The following SH3RF2 variants were observed in gnomAD, a reference collection of about 807,000 sequenced individuals.
The protein encoded by SH3RF2 is E3 ubiquitin-protein ligase SH3RF2.
SH3RF2 carries 43 observed loss-of-function variants against 59.0 expected under a neutral mutation model. The observed-to-expected ratio is 0.73, with a 90% confidence interval of 0.57 to 0.94. The LOEUF (loss-of-function observed/expected upper bound fraction) is 0.94. Ranked by LOEUF, SH3RF2 falls within the 40% of genes least tolerant of loss-of-function variation. The pLI is 0.00. For synonymous variants in SH3RF2, 391 were observed against 391.5 expected (o/e 1.00, Z 0.01); for missense variants, 930 against 940.1 (o/e 0.99, Z 0.14).
intron 2 of SH3RF2, among the ~76,000 whole-genome samples, chr5:145,960,723 GA>G (rs1300049387): frequency 5.9e-5 from 9 of 152,096 alleles, no homozygotes; most frequent in Non-Finnish European, 2.9e-5. Context: ...TAATATTTCT[GA>G]AAAATGGAAA....
At chr5:146,052,591 G>A (rs1220397368) in intron 7 of SH3RF2, among the ~76,000 whole-genome samples, 1 of 152,128 alleles carries the variant, frequency 6.6e-6, no homozygotes, top group African/African-American at 2.4e-5. Context: ...ACGCTCCTGA[G>A]GGTTCTTAGG....
intron 7 of SH3RF2, among the ~76,000 whole-genome samples, chr5:146,052,449 T>C (rs1324819516): frequency 6.6e-6 from 1 of 152,184 alleles, no homozygotes; most frequent in Non-Finnish European, 1.5e-5. Context: ...AGATTGCCAT[T>C]GAGTTCTCCC....
downstream of SH3RF2, among the ~76,000 whole-genome samples, chr5:146,067,537 G>A (rs185514631): frequency 1.2e-4 from 18 of 152,302 alleles, no homozygotes; most frequent in East Asian, 3.5e-3. Context: ...CCTGGCCTGG[G>A]CCCTAGAGAG....
intron 5 of SH3RF2, among the ~76,000 whole-genome samples, chr5:146,028,649 G>A (rs375505958): frequency 2.0e-5 from 3 of 152,192 alleles, no homozygotes; most frequent in Admixed American, 6.5e-5. Context: ...CAAATGTTCC[G>A]CAGGGTCAAA....
Position 146,062,870 on chromosome 5 carries a change from G to A in SH3RF2, c.*169G>A. 5.8e-6 allele frequency: 5 copies of A among 857,836 alleles called. No homozygotes were observed. In the East Asian group the frequency reaches 1.3e-4, roughly 23 times the overall value. The allele number at this position is 857,836 out of a possible 1,614,324, so 53.1% of individuals were successfully genotyped here. On this transcript the variant is annotated 3_prime_UTR_variant, in exon 10 of 10. Coordinates refer to ENST00000359120, the MANE Select transcript of SH3RF2 (RefSeq NM_152550.4). ...GGGAGCAGAAATTCCTGCCCTGGGT[G>A]GGAGGATAGATGGCGTGGCCTTCCA...
chr5:146,014,742 A>C (rs561228530), intron 5 of SH3RF2, among the ~76,000 whole-genome samples: 1 of 152,324 alleles, frequency 6.6e-6, no homozygotes, highest in African/African-American at 2.4e-5. Context: ...ATGCATGTAA[A>C]GTGACTAGCA....
At chr5:146,046,240 C>T (rs1213547367) in intron 5 of SH3RF2, among the ~76,000 whole-genome samples, 1 of 152,126 alleles carries the variant, frequency 6.6e-6, no homozygotes, top group Non-Finnish European at 1.5e-5. Flanking sequence ...ATCCATAGAC[C>T]ACATGTGTGA....
intron 2 of SH3RF2, among the ~76,000 whole-genome samples, chr5:145,980,587 C>G (rs915622644): frequency 1.9e-4 from 29 of 152,114 alleles, no homozygotes; most frequent in African/African-American, 7.0e-4. Flanking sequence ...TAGCATATGT[C>G]TATGGGAGAA....
At chr5:146,069,201 G>A (rs2150027645) in intron 9 of SH3RF2, among the ~76,000 whole-genome samples, 1 of 152,296 alleles carries the variant, frequency 6.6e-6, no homozygotes, top group Non-Finnish European at 1.5e-5. Flanking sequence ...AGATTCTAAG[G>A]CTTTGATTCA....
At chr5:145,982,891 GA>G (rs1043658121) in intron 2 of SH3RF2, among the ~76,000 whole-genome samples, 11 of 152,146 alleles carry the variant, frequency 7.2e-5, no homozygotes, top group African/African-American at 2.7e-4. Flanking sequence ...GTGGAGTGTA[GA>G]AAGAATATTC....
At chr5:145,993,881 G>A (rs912764557) in intron 2 of SH3RF2, among the ~76,000 whole-genome samples, 1 of 152,228 alleles carries the variant, frequency 6.6e-6, no homozygotes, top group Non-Finnish European at 1.5e-5. Flanking sequence ...TCTGCAGCCT[G>A]CAGCGGGCTT....
At chr5:146,019,639 A>G (rs756791877) in intron 5 of SH3RF2, among the ~76,000 whole-genome samples, 2 of 152,060 alleles carry the variant, frequency 1.3e-5, no homozygotes, top group East Asian at 3.9e-4. Flanking sequence ...TCTGTGAAAA[A>G]TGATGTTAGT....
intron 2 of SH3RF2, chr5:145,997,222 G>A (rs906484283): frequency 4.5e-5 from 40 of 886,432 alleles, no homozygotes; most frequent in Non-Finnish European, 6.9e-5. Flanking sequence ...TAGTAGATGG[G>A]AAAACTGACA....
chr5:146,064,780 G>GAAAGA (rs779163252), downstream of SH3RF2, among the ~76,000 whole-genome samples: 2 of 21,428 alleles, frequency 9.3e-5, no homozygotes, highest in African/African-American at 4.1e-4. Context: ...GGAAGGAAAG[G>GAAAGA]AAGGAAGGAA....
rs1189793520 is a variant in SH3RF2, at chr5:146,060,032, T to C, written c.1722T>C (p.Pro574=). 2 of 1,612,106 alleles carry C rather than the reference T, an allele frequency of 1.2e-6. No homozygotes were observed. The highest frequency in any genetic ancestry group is 1.7e-6 in the Non-Finnish European group (2 of 1,179,046). The part of the protein sequence containing the change: ...SAVVVEMGSK[P]ALTGEPALTC... ...TGGTGGTGGAGATGGGGTCCAAGCC[T>C]GCCCTCACGGGGGAGCCCGCCCTCA... The change falls in exon 9 of 10, where the codon CCT becomes CCC. Residue 574 remains proline, a synonymous_variant. Coordinates refer to ENST00000359120, the MANE Select transcript of SH3RF2 (RefSeq NM_152550.4).
chr5:146,066,708 T>C (rs1409862632), downstream of SH3RF2, among the ~76,000 whole-genome samples: 3 of 152,136 alleles, frequency 2.0e-5, no homozygotes, highest in Non-Finnish European at 4.4e-5. Context: ...GCATTTGGGT[T>C]TAAATGTAGC....
At chr5:145,995,654 A>G (rs1397947328) in intron 2 of SH3RF2, among the ~76,000 whole-genome samples, 2 of 152,228 alleles carry the variant, frequency 1.3e-5, no homozygotes, top group Non-Finnish European at 2.9e-5. Context: ...TAGAAAAGTT[A>G]GAGAACACAG....
At chr5:146,032,032 T>C (rs1384987125) in intron 5 of SH3RF2, among the ~76,000 whole-genome samples, 2 of 152,230 alleles carry the variant, frequency 1.3e-5, no homozygotes, top group African/African-American at 4.8e-5. Context: ...GGGCATGGAA[T>C]GGAAAACACT....
intron 9 of SH3RF2, among the ~76,000 whole-genome samples, chr5:146,076,180 A>G (rs1348092790): frequency 6.6e-6 from 1 of 152,168 alleles, no homozygotes; most frequent in African/African-American, 2.4e-5. Context: ...TTGTTCTCAG[A>G]AATGTTACAT....
Sources: gnomAD v4.1 joint callset for allele counts (sites outside exome capture counted in the v4.1 genomes callset) on GRCh38, gnomAD v4.1.1 for gene constraint, MANE v1.5 for transcripts, NCBI Gene and HGNC (gene_info 2026-07-23, HGNC 2026-07-21) for gene names.